Variants in SHISA6 observed in about 807,000 individuals in gnomAD.
SHISA6 encodes protein shisa-6.
In SHISA6, 22 loss-of-function variants were observed where a neutral mutation model predicts 47.9. The ratio of observed to expected loss-of-function variants is 0.46; its 90% confidence interval spans 0.33 to 0.66. SHISA6 has a LOEUF of 0.66. Ranked by LOEUF, SHISA6 falls within the 30% of genes least tolerant of loss-of-function variation. The pLI, the probability that SHISA6 is intolerant of heterozygous loss-of-function variation, is 0.02. For synonymous variants in SHISA6, 388 were observed against 337.8 expected (o/e 1.15, Z -1.63); for missense variants, 680 against 764.6 (o/e 0.89, Z 1.30).
intron 2 of SHISA6, among the ~76,000 whole-genome samples, chr17:11,336,116 G>A (rs564276367): frequency 2.5e-4 from 38 of 152,200 alleles, no homozygotes; most frequent in South Asian, 6.2e-4. Flanking sequence ...GGCTGAGGCA[G>A]GAGAATTGCT....
intron 1 of SHISA6, 87 bp downstream of exon 1, chr17:11,242,147 C>A (rs1907392526): frequency 6.7e-7 from 1 of 1,499,484 alleles, no homozygotes; most frequent in Non-Finnish European, 9.0e-7. Context: ...CTCTCGGCAT[C>A]ATCACACCTC....
chr17:11,320,963 C>T (rs1488189020), intron 2 of SHISA6, among the ~76,000 whole-genome samples: 2 of 152,142 alleles, frequency 1.3e-5, no homozygotes, highest in Non-Finnish European at 2.9e-5. Flanking sequence ...CCAGAAAATG[C>T]TCTTTCATGT....
chr17:11,303,915 G>C (rs1910015189), intron 2 of SHISA6, among the ~76,000 whole-genome samples: 1 of 152,164 alleles, frequency 6.6e-6, no homozygotes, highest in South Asian at 2.1e-4. Flanking sequence ...TACAGCAGTG[G>C]AAGGGCAGGT....
At chr17:11,542,786 T>A (rs2142380125) in intron 3 of SHISA6, among the ~76,000 whole-genome samples, 1 of 152,302 alleles carries the variant, frequency 6.6e-6, no homozygotes, top group South Asian at 2.1e-4. Context: ...GGGGCCAACA[T>A]GATTCTCTGT....
intron 1 of SHISA6, among the ~76,000 whole-genome samples, chr17:11,249,194 A>G (rs1042929375): frequency 3.3e-5 from 5 of 151,812 alleles, no homozygotes; most frequent in African/African-American, 7.3e-5. Context: ...TCTCTCCCAG[A>G]GATGAGTGGA....
chr17:11,322,910 G>T (rs981748463), intron 2 of SHISA6, among the ~76,000 whole-genome samples: 5 of 152,184 alleles, frequency 3.3e-5, no homozygotes, highest in African/African-American at 7.2e-5. Context: ...AAAATTTTGA[G>T]ATTTTTCTTT....
intron 2 of SHISA6, among the ~76,000 whole-genome samples, chr17:11,291,601 T>C (rs999954908): frequency 3.3e-5 from 5 of 151,956 alleles, no homozygotes; most frequent in Non-Finnish European, 5.9e-5. Flanking sequence ...GCCACTACAC[T>C]CCGGCCTGGG....
At chr17:11,402,999 T>C (rs1438717290) in intron 3 of SHISA6, among the ~76,000 whole-genome samples, 1 of 152,212 alleles carries the variant, frequency 6.6e-6, no homozygotes, top group East Asian at 1.9e-4. Context: ...TCTTTGACCT[T>C]GGTACCCTGA....
intron 3 of SHISA6, among the ~76,000 whole-genome samples, chr17:11,479,625 A>T (rs922395091): frequency 6.6e-6 from 1 of 152,100 alleles, no homozygotes; most frequent in Non-Finnish European, 1.5e-5. Flanking sequence ...CTTAAAGTAA[A>T]AGAAAAAAGA....
At chr17:11,260,701 C>T (rs1209041922) in intron 1 of SHISA6, among the ~76,000 whole-genome samples, 1 of 151,952 alleles carries the variant, frequency 6.6e-6, no homozygotes, top group Non-Finnish European at 1.5e-5. Flanking sequence ...CTGAACCTTC[C>T]CTGCTCTCTC....
chr17:11,502,135 C>G (rs1028689494), intron 3 of SHISA6, among the ~76,000 whole-genome samples: 1 of 151,998 alleles, frequency 6.6e-6, no homozygotes, highest in East Asian at 1.9e-4. Context: ...ACAGGCCGGG[C>G]GCGGTGGCTC....
intron 3 of SHISA6, among the ~76,000 whole-genome samples, chr17:11,393,317 TTC>T (rs1221901106): frequency 1.3e-5 from 2 of 152,182 alleles, no homozygotes; most frequent in Non-Finnish European, 2.9e-5. Flanking sequence ...TTCTATTTCA[TTC>T]TCTTGAACTT....
chr17:11,296,201 T>C (rs1019243759), intron 2 of SHISA6, among the ~76,000 whole-genome samples: 1 of 152,044 alleles, frequency 6.6e-6, no homozygotes, highest in African/African-American at 2.4e-5. Flanking sequence ...GAGTGGACAC[T>C]TGGGAATGAC....
chr17:11,369,673 G>A (rs923064265), intron 2 of SHISA6, among the ~76,000 whole-genome samples: 2 of 152,168 alleles, frequency 1.3e-5, no homozygotes, highest in Non-Finnish European at 2.9e-5. Flanking sequence ...CCTCCCTGCA[G>A]AGCACCACAT....
intron 3 of SHISA6, among the ~76,000 whole-genome samples, chr17:11,402,714 A>G (rs375863287): frequency 2.0e-5 from 3 of 152,226 alleles, no homozygotes; most frequent in African/African-American, 7.2e-5. Context: ...GAGAGCAAGG[A>G]AACATATTCT....
At chr17:11,556,631 C>G (rs1489972382) in intron 5 of SHISA6, among the ~76,000 whole-genome samples, 1 of 152,138 alleles carries the variant, frequency 6.6e-6, no homozygotes, top group Non-Finnish European at 1.5e-5. Flanking sequence ...CCTACCCTGA[C>G]AGAAGTGCAG....
intron 1 of SHISA6, among the ~76,000 whole-genome samples, chr17:11,247,463 C>A (rs1237732576): frequency 6.6e-6 from 1 of 152,148 alleles, no homozygotes; most frequent in African/African-American, 2.4e-5. Context: ...TGCCCTCTCC[C>A]CATTCAAACA....
intron 3 of SHISA6, among the ~76,000 whole-genome samples, chr17:11,535,205 C>G (rs2142374703): frequency 6.6e-6 from 1 of 152,090 alleles, no homozygotes; most frequent in South Asian, 2.1e-4. Flanking sequence ...GGCAGAGGAC[C>G]CCTGGCATGT....
At chr17:11,512,510 T>C (rs1316058988) in intron 3 of SHISA6, among the ~76,000 whole-genome samples, 1 of 152,102 alleles carries the variant, frequency 6.6e-6, no homozygotes, top group Non-Finnish European at 1.5e-5. Flanking sequence ...AGTCAACTTC[T>C]TTTTTTTGAA....
Sources: gnomAD v4.1 joint callset for allele counts (sites outside exome capture counted in the v4.1 genomes callset) on GRCh38, gnomAD v4.1.1 for gene constraint, MANE v1.5 for transcripts, NCBI Gene and HGNC (gene_info 2026-07-23, HGNC 2026-07-21) for gene names.